Variants in GALNT7 observed in about 807,000 individuals in gnomAD.
The protein encoded by GALNT7 is polypeptide N-acetylgalactosaminyltransferase 7, also known as N-acetylgalactosaminyltransferase 7.
Under a neutral mutation model 82.1 loss-of-function variants are expected in GALNT7, and 60 were observed. The observed-to-expected ratio is 0.73, with a 90% CI of 0.59 to 0.91. The LOEUF is 0.91. GALNT7 is among the 40% of genes least tolerant of loss of function. The probability of loss-of-function intolerance (pLI) is 0.00; values close to 1 mark genes in which losing one functional copy is unlikely to be tolerated. For synonymous variants in GALNT7, 243 were observed against 275.1 expected (o/e 0.88, Z 1.15); for missense variants, 660 against 804.2 (o/e 0.82, Z 2.17).
At chr4:173,206,999 T>C (rs959645141) in intron 1 of GALNT7, among the ~76,000 whole-genome samples, 37 of 152,358 alleles carry the variant, frequency 2.4e-4, no homozygotes, top group Middle Eastern at 6.8e-3. Context: ...CAGCTTCCCA[T>C]TGATAGCTCC....
intron 2 of GALNT7, among the ~76,000 whole-genome samples, chr4:173,283,132 A>G (rs148447096): frequency 7.5e-4 from 115 of 152,322 alleles, no homozygotes; most frequent in African/African-American, 2.7e-3. Flanking sequence ...GAAATTAATG[A>G]CCACTGTATG....
At chr4:173,176,598 ATTAG>A (rs1732051885) in intron 1 of GALNT7, among the ~76,000 whole-genome samples, 1 of 152,226 alleles carries the variant, frequency 6.6e-6, no homozygotes, top group South Asian at 2.1e-4. Flanking sequence ...CAAAAACTGT[ATTAG>A]TTAAGTCCAC....
intron 1 of GALNT7, among the ~76,000 whole-genome samples, chr4:173,232,376 A>T (rs1193364405): frequency 6.6e-6 from 1 of 152,100 alleles, no homozygotes; most frequent in Non-Finnish European, 1.5e-5. Context: ...GTATATTTTG[A>T]TACATGCATA....
chr4:173,284,674 T>G (rs1037415585), intron 2 of GALNT7, among the ~76,000 whole-genome samples: 1 of 152,104 alleles, frequency 6.6e-6, no homozygotes, highest in Non-Finnish European at 1.5e-5. Flanking sequence ...TGAAATAAAA[T>G]TTTACCATAA....
At chr4:173,239,579 A>G (rs62342297) in intron 1 of GALNT7, among the ~76,000 whole-genome samples, 21,882 of 152,200 alleles carry the variant, frequency 0.14, 1,689 homozygotes, top group Non-Finnish European at 0.17. Context: ...CAAACAAAAC[A>G]GGACCCAGGA....
intron 8 of GALNT7, among the ~76,000 whole-genome samples, chr4:173,313,458 C>T (rs112437386): frequency 0.017 from 2,632 of 151,502 alleles, 76 homozygotes; most frequent in African/African-American, 0.059. Flanking sequence ...ATAGTCCTAG[C>T]TACTCGGGAA....
chr4:173,278,181 A>C (rs1280894544), intron 2 of GALNT7, among the ~76,000 whole-genome samples: 1 of 152,228 alleles, frequency 6.6e-6, no homozygotes, highest in Non-Finnish European at 1.5e-5. Context: ...AGTCAGACCA[A>C]AGTCACAGCT....
chr4:173,239,850 A>T (rs1394034846), intron 1 of GALNT7, among the ~76,000 whole-genome samples: 16 of 152,186 alleles, frequency 1.1e-4, no homozygotes, highest in Admixed American at 1.0e-3. Context: ...TGGTTCTTTA[A>T]AAGTAAATTT....
intron 1 of GALNT7, among the ~76,000 whole-genome samples, chr4:173,234,563 C>T (rs900714403): frequency 2.0e-5 from 3 of 152,160 alleles, no homozygotes; most frequent in African/African-American, 7.2e-5. Flanking sequence ...CACACATATC[C>T]AATCCATCAT....
At chr4:173,312,398 G>T (rs557639630) in intron 8 of GALNT7, among the ~76,000 whole-genome samples, 1 of 152,208 alleles carries the variant, frequency 6.6e-6, no homozygotes, top group Admixed American at 6.5e-5. Flanking sequence ...ATCACATGGC[G>T]AGAGAGGAAG....
At chr4:173,221,731 A>G (rs994599940) in intron 1 of GALNT7, among the ~76,000 whole-genome samples, 2 of 152,196 alleles carry the variant, frequency 1.3e-5, no homozygotes, top group Non-Finnish European at 1.5e-5. Flanking sequence ...TAAAAGGCAG[A>G]TATCTCCAGT....
Position 173,270,083 on chromosome 4 carries a change from G to T in GALNT7, c.587+21643G>T, listed in dbSNP as rs187185544. Among the ~76,000 whole-genome samples, 6 of 152,314 alleles carry T rather than the reference G, an allele frequency of 3.9e-5. No individual in the cohort carries two copies. The East Asian group carries it at 1.2e-3, about 29-fold the overall frequency. On this transcript the variant is annotated intron_variant, in intron 2 of 11. Transcript: ENST00000265000. ...ATAATCAAGTGTACTTGGACCCATA[G>T]CCACTGGTTTTAACCATTCTGCAGA...
At chr4:173,303,335 GAA>G (rs1458311683) in intron 7 of GALNT7, among the ~76,000 whole-genome samples, 3 of 152,160 alleles carry the variant, frequency 2.0e-5, no homozygotes, top group Non-Finnish European at 2.9e-5. Flanking sequence ...AAAGTACAAA[GAA>G]GAGAACACAA....
intron 1 of GALNT7, among the ~76,000 whole-genome samples, chr4:173,237,003 A>C (rs1280480736): frequency 2.6e-5 from 4 of 152,220 alleles, no homozygotes; most frequent in Non-Finnish European, 5.9e-5. Context: ...GATAGTTAAA[A>C]AGTAAAATGT....
At chr4:173,268,325 T>C (rs959756032) in intron 2 of GALNT7, 2 of 152,112 alleles carry the variant, frequency 1.3e-5, no homozygotes, top group African/African-American at 2.4e-5. Context: ...AATAGCACTG[T>C]AACTCGCACC....
intron 2 of GALNT7, among the ~76,000 whole-genome samples, chr4:173,278,665 G>A (rs1736000136): frequency 6.6e-6 from 1 of 152,158 alleles, no homozygotes. Flanking sequence ...AAAAATTTTA[G>A]GGAATTGTGA....
chr4:173,256,864 T>C (rs181147070), intron 2 of GALNT7, among the ~76,000 whole-genome samples: 21 of 152,322 alleles, frequency 1.4e-4, no homozygotes, highest in Admixed American at 2.0e-4. Flanking sequence ...CCAACACTTA[T>C]ATAGAAGGAA....
intron 1 of GALNT7, among the ~76,000 whole-genome samples, chr4:173,202,918 C>T (rs1732983863): frequency 6.6e-6 from 1 of 151,950 alleles, no homozygotes; most frequent in Non-Finnish European, 1.5e-5. Flanking sequence ...ATATAATGAC[C>T]TTCTTTATCT....
rs746399267 is a variant in GALNT7 at position 173,321,733 on chromosome 4, C to G, written c.*16C>G. 2.5e-6 allele frequency: 4 copies of G among 1,576,944 alleles called. No homozygotes were observed. Among genetic ancestry groups the G allele is most frequent in the Non-Finnish European group, 3.5e-6 (4 of 1,147,964 alleles). ...TAGTGTTTAGAGAGAAAAAAATAAACCAATAACCTACCTACTGACAAGTAA... is the reference window on the plus strand; with the variant it reads ...TAGTGTTTAGAGAGAAAAAAATAAAGCAATAACCTACCTACTGACAAGTAA... On this transcript the variant is annotated 3_prime_UTR_variant, in exon 12 of 12. Coordinates refer to ENST00000265000, the MANE Select transcript of GALNT7 (RefSeq NM_017423.3).
Sources: gnomAD v4.1 joint callset for allele counts (sites outside exome capture counted in the v4.1 genomes callset) on GRCh38, gnomAD v4.1.1 for gene constraint, MANE v1.5 for transcripts, NCBI Gene and HGNC (gene_info 2026-07-23, HGNC 2026-07-21) for gene names.